The following WIF1 variants were observed in gnomAD, a reference collection of about 807,000 sequenced individuals.
WIF1 encodes the protein Wnt inhibitory factor 1.
In WIF1, 35 loss-of-function variants were observed where a neutral mutation model predicts 53.5. The ratio of observed to expected loss-of-function variants is 0.65; its 90% CI spans 0.50 to 0.87. The LOEUF (loss-of-function observed/expected upper bound fraction) is 0.87. WIF1 is among the 40% of genes least tolerant of loss of function. The pLI is 0.00. For missense variants in WIF1, 467 were observed against 476.8 expected (o/e 0.98, Z 0.19); for synonymous variants, 171 against 170.4 (o/e 1.00, Z -0.03).
At chr12:65,083,734 CTCTTT>C (rs768260027) in intron 2 of WIF1, 5 of 335,562 alleles carry the variant, frequency 1.5e-5, no homozygotes, top group South Asian at 5.2e-5. Context: ...CACTTGATTT[CTCTTT>C]TCTTTTCTTT....
intron 2 of WIF1, 66 bp downstream of exon 2, chr12:65,120,351 T>C: frequency 1.3e-6 from 2 of 1,543,682 alleles, no homozygotes; most frequent in Non-Finnish European, 1.8e-6. Context: ...CTACACACTA[T>C]ACAGTACTAT....
intron 2 of WIF1, among the ~76,000 whole-genome samples, chr12:65,088,734 TCTC>T (rs1883079464): frequency 6.6e-6 from 1 of 152,092 alleles, no homozygotes; most frequent in African/African-American, 2.4e-5. Flanking sequence ...GAGTTTTCCT[TCTC>T]CTTCTCCAAT....
intron 3 of WIF1, among the ~76,000 whole-genome samples, chr12:65,077,189 G>T (rs568979738): frequency 6.6e-6 from 1 of 152,202 alleles, no homozygotes; most frequent in Non-Finnish European, 1.5e-5. Flanking sequence ...TAACGCAAGA[G>T]TGAGTCTGTT....
At chr12:65,117,319 A>G (rs1883527855) in intron 2 of WIF1, among the ~76,000 whole-genome samples, 1 of 152,234 alleles carries the variant, frequency 6.6e-6, no homozygotes, top group East Asian at 1.9e-4. Flanking sequence ...TTAGCAGCAT[A>G]TGATAATGCA....
intron 2 of WIF1, among the ~76,000 whole-genome samples, chr12:65,097,519 T>C (rs768436307): frequency 6.6e-6 from 1 of 152,160 alleles, no homozygotes; most frequent in Non-Finnish European, 1.5e-5. Flanking sequence ...CAGGTTAGTC[T>C]CAGAAACCAA....
chr12:65,057,976 C>T (rs556896088), intron 7 of WIF1, among the ~76,000 whole-genome samples: 56 of 152,260 alleles, frequency 3.7e-4, no homozygotes, highest in African/African-American at 1.1e-3. Flanking sequence ...GGGTCTCTCA[C>T]AAACCTGGAA....
At chr12:65,119,416 AG>A (rs1883562430) in intron 2 of WIF1, among the ~76,000 whole-genome samples, 1 of 152,200 alleles carries the variant, frequency 6.6e-6, no homozygotes, top group South Asian at 2.1e-4. Context: ...ACAGACTTGA[AG>A]GGAAAAAGAC....
chr12:65,089,652 C>A (rs2136629076), intron 2 of WIF1, among the ~76,000 whole-genome samples: 1 of 152,242 alleles, frequency 6.6e-6, no homozygotes, highest in South Asian at 2.1e-4. Context: ...AGCCACCAGC[C>A]TCTGTCATGA....
chr12:65,115,152 G>C (rs1473913527), intron 2 of WIF1, among the ~76,000 whole-genome samples: 2 of 144,274 alleles, frequency 1.4e-5, no homozygotes, highest in East Asian at 4.1e-4. Flanking sequence ...CAGATGGCTC[G>C]GCATAAATCC....
At chr12:65,100,899 C>T (rs1883272857) in intron 2 of WIF1, among the ~76,000 whole-genome samples, 1 of 151,816 alleles carries the variant, frequency 6.6e-6, no homozygotes, top group Non-Finnish European at 1.5e-5. Flanking sequence ...TGTGTAGCCA[C>T]TTAAAAAAAA....
chr12:65,097,551 T>A (rs1883224463), intron 2 of WIF1, among the ~76,000 whole-genome samples: 1 of 152,182 alleles, frequency 6.6e-6, no homozygotes, highest in Non-Finnish European at 1.5e-5. Flanking sequence ...TTCCTGTTAG[T>A]GACTTTGACA....
intron 2 of WIF1, among the ~76,000 whole-genome samples, chr12:65,112,413 C>CACACACAT (rs1883445359): frequency 7.5e-6 from 1 of 133,130 alleles, no homozygotes. Context: ...ATCACACACA[C>CACACACAT]ACACACACAC....
At chr12:65,084,640 T>A (rs1296712617) in intron 2 of WIF1, among the ~76,000 whole-genome samples, 1 of 152,222 alleles carries the variant, frequency 6.6e-6, no homozygotes, top group South Asian at 2.1e-4. Flanking sequence ...TTTCCAATGG[T>A]CTACTGGAGA....
intron 2 of WIF1, among the ~76,000 whole-genome samples, chr12:65,086,067 T>G (rs768703785): frequency 3.9e-5 from 6 of 152,144 alleles, no homozygotes; most frequent in Non-Finnish European, 8.8e-5. Flanking sequence ...TTTACTTTTA[T>G]TTTTTGAGGA....
rs906769209 is a variant in WIF1, at chr12:65,119,763, A to T, written c.288+654T>A. Among the ~76,000 whole-genome samples, 3 of 152,202 alleles carry T rather than the reference A, an allele frequency of 2.0e-5. 1 individual carries two copies. The highest frequency in any genetic ancestry group is 2.0e-4 in the Admixed American group (3 of 15,284). ...AAAATTAGAAGCCATAAAAATGTACAAAAGGTAACATATAAAAGATGCTAA... is the reference window on the plus strand; with the variant it reads ...AAAATTAGAAGCCATAAAAATGTACTAAAGGTAACATATAAAAGATGCTAA... On this transcript the variant is annotated intron_variant, in intron 2 of 9. Transcript: ENST00000286574.
rs544883319 is a variant in WIF1 at position 65,070,445 on chromosome 12, G to C, written c.398-1541C>G. Among the ~76,000 whole-genome samples the C allele has an allele frequency of 1.9e-4, 29 of 152,224 alleles. 1 individual carries two copies. Among genetic ancestry groups the C allele is most frequent in the Middle Eastern group, 3.4e-3 (1 of 294 alleles). On this transcript the variant is annotated intron_variant, in intron 3 of 9. Coordinates refer to ENST00000286574, the MANE Select transcript of WIF1 (RefSeq NM_007191.5). ...CCAATTTACAAAACATTTATGAATG[G>C]AGATTTCTATTTCAGAAAGAAGCAA...
At chr12:65,106,983 A>C (rs1447842757) in intron 2 of WIF1, among the ~76,000 whole-genome samples, 1 of 152,216 alleles carries the variant, frequency 6.6e-6, no homozygotes, top group East Asian at 1.9e-4. Context: ...AGGAGTTTTA[A>C]TTGTATCAGT....
intron 2 of WIF1, among the ~76,000 whole-genome samples, chr12:65,095,078 G>A (rs1481255416): frequency 6.6e-6 from 1 of 150,894 alleles, no homozygotes; most frequent in Non-Finnish European, 1.5e-5. Flanking sequence ...GACTACAGGT[G>A]CATGCCACCA....
intron 7 of WIF1, among the ~76,000 whole-genome samples, chr12:65,059,998 A>C (rs1455895467): frequency 6.7e-6 from 1 of 150,356 alleles, no homozygotes; most frequent in African/African-American, 2.4e-5. Context: ...GAAAATAAAC[A>C]TGGCATCGGA....
Sources: gnomAD v4.1 joint callset for allele counts (sites outside exome capture counted in the v4.1 genomes callset) on GRCh38, gnomAD v4.1.1 for gene constraint, MANE v1.5 for transcripts, NCBI Gene and HGNC (gene_info 2026-07-23, HGNC 2026-07-21) for gene names.